STEAP1B: variants seen among roughly 807,000 people sequenced by gnomAD.
STEAP1B encodes the protein STEAP family member 1B.
STEAP1B carries 13 observed loss-of-function variants against 27.9 expected under a neutral mutation model. The observed-to-expected ratio is 0.47, with a 90% CI of 0.30 to 0.74. STEAP1B has a LOEUF of 0.74. STEAP1B is among the 30% of genes least tolerant of loss of function. STEAP1B has a pLI of 0.06. For missense variants in STEAP1B, 250 were observed against 298.7 expected (o/e 0.84, Z 1.20); for synonymous variants, 86 against 107.1 (o/e 0.80, Z 1.22).
In STEAP1B at chr7:22,493,492, A is replaced by G. The variant is rs1385858442; in HGVS notation, c.429T>C (p.Asn143=). The part of the protein sequence containing the change: ...GVIAAIVQVH[N]GTKYKKFPHW... ...GTGGAAACTTCTTATACTTGGTTCC[A>G]TTATGAACTTGGACAATTGCTGCTA... Residue 143 remains asparagine (N), a synonymous_variant, in exon 3 of 5, where the codon AAT becomes AAC. Coordinates refer to ENST00000678116, the MANE Select transcript of STEAP1B (RefSeq NM_001382447.1). 3 of 1,613,560 alleles carry G rather than the reference A, an allele frequency of 1.9e-6. No individual in the cohort carries two copies. The highest frequency in any genetic ancestry group is 1.7e-5 in the Admixed American group (1 of 59,992).
intron 4 of STEAP1B, among the ~76,000 whole-genome samples, chr7:22,425,670 A>C (rs1418072144): frequency 6.6e-6 from 1 of 152,210 alleles, no homozygotes; most frequent in Non-Finnish European, 1.5e-5. Context: ...AATCTTCTAT[A>C]ATTATCAAGG....
intron 4 of STEAP1B, among the ~76,000 whole-genome samples, chr7:22,486,644 G>A (rs1419332364): frequency 1.3e-5 from 2 of 152,042 alleles, no homozygotes; most frequent in Non-Finnish European, 2.9e-5. Context: ...ATCTTCTCCT[G>A]TGCCTGTCCC....
intron 4 of STEAP1B, among the ~76,000 whole-genome samples, chr7:22,423,642 G>T (rs3114705): frequency 0.48 from 72,738 of 152,042 alleles, 17,522 homozygotes; most frequent in Middle Eastern, 0.6. Flanking sequence ...TGAGCATGAG[G>T]TTTTTTTGGA....
chr7:22,419,684 G>T lies in STEAP1B; in HGVS notation c.*120C>A. The T allele has an allele frequency of 2.6e-6, 3 of 1,168,126 alleles. No homozygotes were observed. Among genetic ancestry groups the T allele is most frequent in the Non-Finnish European group, 3.5e-6 (3 of 851,146 alleles). 72.4% of individuals were successfully genotyped at this position (1,168,126 alleles called of 1,614,324 possible). A position where few individuals can be genotyped will look rare whatever the true frequency, so the allele number is the denominator to read the frequency against. On this transcript the variant is annotated 3_prime_UTR_variant, in exon 5 of 5. Coordinates refer to ENST00000678116, the MANE Select transcript of STEAP1B (RefSeq NM_001382447.1). ...CATGTTGACAGAGCAGCCGTCACCT[G>T]CAGCATGGCTGTTCATTGTGGCAGA... is the stretch of plus-strand genomic sequence containing the variant.
intron 4 of STEAP1B, among the ~76,000 whole-genome samples, chr7:22,420,081 G>A (rs76539535): frequency 0.033 from 5,092 of 152,192 alleles, 289 homozygotes; most frequent in African/African-American, 0.12. Context: ...GGCAATGAGA[G>A]TCCCACCCCA....
chr7:22,489,041 A>C (rs1786271772), intron 4 of STEAP1B, among the ~76,000 whole-genome samples: 1 of 152,196 alleles, frequency 6.6e-6, no homozygotes, highest in Non-Finnish European at 1.5e-5. Flanking sequence ...GTCACAGAGC[A>C]GGCAACAGCG....
At chr7:22,456,972 A>ATATATATATATATATATATATT in intron 4 of STEAP1B, among the ~76,000 whole-genome samples, 1 of 57,042 alleles carries the variant, frequency 1.8e-5, no homozygotes, top group African/African-American at 7.0e-5. Context: ...ATATATATAT[A>ATATATATATATATATATATATT]TTTTTTTTTT....
intron 4 of STEAP1B, among the ~76,000 whole-genome samples, chr7:22,434,190 T>A (rs559333019): frequency 6.6e-6 from 1 of 152,226 alleles, no homozygotes; most frequent in East Asian, 1.9e-4. Context: ...CATCCCAGGG[T>A]TCTGGCAGAG....
At chr7:22,436,383 T>C (rs1785254571) in intron 4 of STEAP1B, among the ~76,000 whole-genome samples, 1 of 152,092 alleles carries the variant, frequency 6.6e-6, no homozygotes, top group African/African-American at 2.4e-5. Flanking sequence ...TGTGTGTGTG[T>C]CATGAGAACA....
At chr7:22,473,145 C>T (rs937432475) in intron 4 of STEAP1B, among the ~76,000 whole-genome samples, 11 of 152,062 alleles carry the variant, frequency 7.2e-5, no homozygotes, top group Non-Finnish European at 1.3e-4. Flanking sequence ...ACCAGGACAC[C>T]GCAAGTCATT....
chr7:22,483,793 G>C (rs1265854770), intron 4 of STEAP1B, among the ~76,000 whole-genome samples: 1 of 152,214 alleles, frequency 6.6e-6, no homozygotes, highest in Non-Finnish European at 1.5e-5. Context: ...GAGGCAGAGA[G>C]ACACGAAATG....
rs149808850 is a variant in STEAP1B at position 22,423,800 on chromosome 7, G to A, written c.763-3964C>T. Among the ~76,000 whole-genome samples the A allele has an allele frequency of 7.9e-3, 1,200 of 152,294 alleles. 15 individuals carry two copies. Among genetic ancestry groups the A allele is most frequent in the African/African-American group, 0.027 (1,128 of 41,560 alleles). On this transcript the variant is annotated intron_variant, in intron 4 of 4. Coordinates refer to ENST00000678116, the MANE Select transcript of STEAP1B (RefSeq NM_001382447.1). ...TCCCAGCACTTTGAGAGGCCAAGGCGGGCAAATCGCTTGAGTCCAGGAGTT... is the reference window on the plus strand; with the variant it reads ...TCCCAGCACTTTGAGAGGCCAAGGCAGGCAAATCGCTTGAGTCCAGGAGTT...
chr7:22,477,134 T>A (rs1785986776), intron 4 of STEAP1B, among the ~76,000 whole-genome samples: 2 of 152,214 alleles, frequency 1.3e-5, no homozygotes, highest in Admixed American at 6.5e-5. Context: ...TTTGCCATCT[T>A]CCACTGGTGA....
At chr7:22,431,327 T>C (rs1194612759) in intron 4 of STEAP1B, among the ~76,000 whole-genome samples, 2 of 152,154 alleles carry the variant, frequency 1.3e-5, no homozygotes, top group African/African-American at 4.8e-5. Context: ...TCCTCAATTA[T>C]GTCCAGCAGG....
chr7:22,466,447 A>T (rs755475502), intron 4 of STEAP1B, among the ~76,000 whole-genome samples: 91 of 142,722 alleles, frequency 6.4e-4, no homozygotes, highest in Non-Finnish European at 1.1e-3. Context: ...GTTTTGAAAT[A>T]TGTACATGTA....
chr7:22,463,653 G>C (rs543360941), intron 4 of STEAP1B, among the ~76,000 whole-genome samples: 1 of 152,032 alleles, frequency 6.6e-6, no homozygotes, highest in African/African-American at 2.4e-5. Flanking sequence ...ATAACGCCGC[G>C]TATCTACAAC....
At chr7:22,435,618 G>A (rs1785243767) in intron 4 of STEAP1B, among the ~76,000 whole-genome samples, 1 of 152,124 alleles carries the variant, frequency 6.6e-6, no homozygotes, top group South Asian at 2.1e-4. Context: ...ATTTGCTTGA[G>A]AGACCAAATG....
chr7:22,491,186 A>C (rs1234326848), intron 4 of STEAP1B, among the ~76,000 whole-genome samples: 1 of 152,198 alleles, frequency 6.6e-6, no homozygotes, highest in African/African-American at 2.4e-5. Flanking sequence ...CTTTGGTTGA[A>C]GCTAGTGTGT....
At chr7:22,447,717 T>C (rs952939853) in intron 4 of STEAP1B, among the ~76,000 whole-genome samples, 2 of 152,202 alleles carry the variant, frequency 1.3e-5, no homozygotes, top group Admixed American at 6.5e-5. Flanking sequence ...TGTGCAGCCA[T>C]AGAAGCCAAT....
Sources: gnomAD v4.1 joint callset for allele counts (sites outside exome capture counted in the v4.1 genomes callset) on GRCh38, gnomAD v4.1.1 for gene constraint, MANE v1.5 for transcripts, NCBI Gene and HGNC (gene_info 2026-07-23, HGNC 2026-07-21) for gene names.